The following MLPH variants were observed in gnomAD, a reference collection of about 807,000 sequenced individuals.
The protein encoded by MLPH is melanophilin, also known as exophilin-3.
Under a neutral mutation model 72.1 loss-of-function variants are expected in MLPH, and 51 were observed. The observed-to-expected ratio is 0.71, with a 90% CI of 0.56 to 0.89. The LOEUF (loss-of-function observed/expected upper bound fraction) is 0.89, where lower values mean the gene tolerates loss of function less well. Among genes scored for constraint, MLPH ranks in the 40% least tolerant of loss-of-function variants. The probability of loss-of-function intolerance (pLI) is 0.00; values close to 1 mark genes in which losing one functional copy is unlikely to be tolerated. For synonymous variants in MLPH, 301 were observed against 310.1 expected (o/e 0.97, Z 0.31); for missense variants, 743 against 759.9 (o/e 0.98, Z 0.26).
rs1553597305 is a variant in MLPH at position 237,519,090 on chromosome 2, T to TGTTTG, written c.555+442_555+443insGTTTG. Reference sequence around the variant, plus strand: ...TGGGTTTTGTTTTGTTTTGTTTGTTTTTTTTTGCCAACCATGAGCCTTGTG... The same window carrying TGTTTG: ...TGGGTTTTGTTTTGTTTTGTTTGTTTGTTTGTTTTTTGCCAACCATGAGCCTTGTG... On this transcript the variant is annotated intron_variant, in intron 5 of 15. Transcript: ENST00000264605. 1.7e-3 allele frequency among the ~76,000 whole-genome samples: 253 copies of TGTTTG among 151,536 alleles called. 1 individual carries two copies. The highest frequency in any genetic ancestry group is 5.2e-3 in the South Asian group (25 of 4,818).
At chr2:237,516,762 GTGGGAGAGGGAGAGA>G (rs1183146110) in intron 4 of MLPH, among the ~76,000 whole-genome samples, 338 of 151,866 alleles carry the variant, frequency 2.2e-3, no homozygotes, top group Non-Finnish European at 3.1e-3. Context: ...TAGATGGATT[GTGGGAGAGGGAGAGA>G]TGAATGGATG....
At chr2:237,503,418 G>C (rs2079695120) in intron 2 of MLPH, among the ~76,000 whole-genome samples, 1 of 152,148 alleles carries the variant, frequency 6.6e-6, no homozygotes, top group South Asian at 2.1e-4. Flanking sequence ...GGATCTCCAG[G>C]AACTTGAGTG....
At chr2:237,524,991 A>G (rs957899318) in intron 6 of MLPH, among the ~76,000 whole-genome samples, 3 of 152,168 alleles carry the variant, frequency 2.0e-5, no homozygotes, top group African/African-American at 7.2e-5. Context: ...GGCTGTCCTA[A>G]GTGCGCATTT....
chr2:237,520,029 G>A lies in MLPH; in HGVS notation c.675G>A (p.Gln225=). 1 of 1,613,902 alleles carries A rather than the reference G, an allele frequency of 6.2e-7. No individual in the cohort carries two copies. Among genetic ancestry groups the A allele is most frequent in the Middle Eastern group, 1.6e-4 (1 of 6,062 alleles). Residue 225 remains glutamine, a splice_region_variant and synonymous_variant, in exon 6 of 16, where the codon CAG becomes CAA. Transcript: ENST00000264605. ...SSVPEARDSP[Q]SLTDESCSEK... is the part of the protein sequence containing the mutation. ...TCCCTGAGGCCAGGGACAGCCCACAGGTCAGTGGGTCCTCGTGTCTTTCCC... is the reference window on the plus strand; with the variant it reads ...TCCCTGAGGCCAGGGACAGCCCACAAGTCAGTGGGTCCTCGTGTCTTTCCC...
At chr2:237,494,527 G>A (rs766813720) in intron 2 of MLPH, among the ~76,000 whole-genome samples, 1 of 152,200 alleles carries the variant, frequency 6.6e-6, no homozygotes, top group South Asian at 2.1e-4. Context: ...CTGTTTCACA[G>A]CGGTGGGCTC....
intron 5 of MLPH, 23 bp downstream of exon 5, chr2:237,518,671 C>G (rs768558995): frequency 6.3e-7 from 1 of 1,577,334 alleles, no homozygotes; most frequent in Non-Finnish European, 8.7e-7. Flanking sequence ...CAGCCACCCC[C>G]TCCTCAGCCA....
At position 237,507,701 on chromosome 2, in the gene MLPH, G is replaced by A. The variant is rs80254075; in HGVS notation, c.111-2873G>A. 3.8e-4 allele frequency among the ~76,000 whole-genome samples: 58 copies of A among 152,300 alleles called. No homozygotes were observed. The East Asian group carries it at 0.011, about 28-fold the overall frequency. ...GCAAACTGTCAAGCTCACAGCAGGC[G>A]ATATATGTTTTCCAGAATTCTACTT... On this transcript the variant is annotated intron_variant, in intron 2 of 15. Transcript: ENST00000264605.
chr2:237,552,107 A>C, intron 14 of MLPH: 1 of 507,280 alleles, frequency 2.0e-6, no homozygotes, highest in Non-Finnish European at 3.6e-6. Context: ...ACAGTGAGGA[A>C]GAATGTTAAT....
At chr2:237,495,789 TG>T (rs1261446592) in intron 2 of MLPH, among the ~76,000 whole-genome samples, 2 of 152,184 alleles carry the variant, frequency 1.3e-5, no homozygotes, top group African/African-American at 4.8e-5. Flanking sequence ...AGTACCAGCC[TG>T]GTGGCCATGG....
At chr2:237,491,546 C>T (rs1291549041) in intron 1 of MLPH, among the ~76,000 whole-genome samples, 1 of 152,186 alleles carries the variant, frequency 6.6e-6, no homozygotes, top group Non-Finnish European at 1.5e-5. Flanking sequence ...TCTTGTGGAG[C>T]TTAACAATAA....
intron 2 of MLPH, among the ~76,000 whole-genome samples, chr2:237,503,565 G>T (rs1008408877): frequency 2.6e-5 from 4 of 152,116 alleles, no homozygotes; most frequent in Non-Finnish European, 4.4e-5. Flanking sequence ...GGTTTACTTT[G>T]GTTGCCACGC....
chr2:237,528,446 G>A (rs1414258493), intron 8 of MLPH, among the ~76,000 whole-genome samples: 2 of 151,892 alleles, frequency 1.3e-5, no homozygotes, highest in East Asian at 1.9e-4. Flanking sequence ...CACCTCCCGG[G>A]TTCAAGTGAT....
intron 9 of MLPH, 125 bp downstream of exon 9, chr2:237,534,772 C>T (rs560533005): frequency 2.5e-6 from 2 of 805,548 alleles, no homozygotes; most frequent in Non-Finnish European, 4.3e-6. Context: ...AGGTTAAGTT[C>T]TGTGTGTAGT....
At position 237,550,080 on chromosome 2, in the gene MLPH, G is replaced by A. The variant is rs1244358127; in HGVS notation, c.1675+802G>A. On this transcript the variant is annotated intron_variant, in intron 14 of 15. Transcript: ENST00000264605. ...CCGCCCAAGGATGCACTTCCTTCCC[G>A]TGCGTAGGACAACGCACAGCGGACG... is the stretch of plus-strand genomic sequence containing the variant. Among the ~76,000 whole-genome samples, 9 of 152,274 alleles carry A rather than the reference G, an allele frequency of 5.9e-5. No individual in the cohort carries two copies. The East Asian group carries it at 1.2e-3, about 20-fold the overall frequency.
In MLPH at chr2:237,539,351, C is replaced by A. The variant is rs554536208; in HGVS notation, c.1105-997C>A. Reference sequence around the variant, plus strand: ...AGGCAGAGCCAACAGGAATGGATATCTGGGATGAGAGAAAAAGAGGGGTCA... The same window carrying A: ...AGGCAGAGCCAACAGGAATGGATATATGGGATGAGAGAAAAAGAGGGGTCA... On this transcript the variant is annotated intron_variant, in intron 9 of 15. Coordinates refer to ENST00000264605, the MANE Select transcript of MLPH (RefSeq NM_024101.7). Among the ~76,000 whole-genome samples the A allele has an allele frequency of 1.2e-4, 18 of 152,300 alleles. No homozygotes were observed. The South Asian group carries it at 3.7e-3, about 32-fold the overall frequency.
intron 13 of MLPH, among the ~76,000 whole-genome samples, chr2:237,547,432 A>G (rs1574914133): frequency 2.6e-3 from 12 of 4,652 alleles, no homozygotes; most frequent in African/African-American, 0.024. Flanking sequence ...AGTGGTTAGG[A>G]GTAGGAGCAG....
chr2:237,538,936 G>T (rs1317285472), intron 9 of MLPH, among the ~76,000 whole-genome samples: 1 of 152,236 alleles, frequency 6.6e-6, no homozygotes, highest in Non-Finnish European at 1.5e-5. Flanking sequence ...AGCTGGCAGA[G>T]GTGCCGGGGC....
chr2:237,518,677 A>G (rs1377766765), intron 5 of MLPH, 29 bp downstream of exon 5: 6 of 1,557,014 alleles, frequency 3.9e-6, no homozygotes, highest in Non-Finnish European at 5.3e-6. Flanking sequence ...CCCCCTCCTC[A>G]GCCACCTCGA....
At chr2:237,529,949 T>G (rs1413032923) in intron 8 of MLPH, among the ~76,000 whole-genome samples, 2 of 152,214 alleles carry the variant, frequency 1.3e-5, no homozygotes, top group African/African-American at 2.4e-5. Context: ...AAGTGAAAGC[T>G]GAGCCTTGTC....
Sources: allele counts gnomAD v4.1 joint callset (sites outside exome capture counted in the v4.1 genomes callset), GRCh38; gene constraint gnomAD v4.1.1; transcripts MANE v1.5; gene names NCBI Gene and HGNC (gene_info 2026-07-23, HGNC 2026-07-21).